Variants in ZPBP observed in about 807,000 individuals in gnomAD.
ZPBP encodes the protein zona pellucida binding protein, also known as zona pellucida-binding protein 1.
ZPBP carries 26 observed loss-of-function variants against 44.8 expected under a neutral mutation model. The observed-to-expected ratio is 0.58, with a 90% confidence interval of 0.43 to 0.81. ZPBP has a LOEUF of 0.81. Among genes scored for constraint, ZPBP ranks in the 30% least tolerant of loss-of-function variants. The pLI is 0.00. For synonymous variants in ZPBP, 174 were observed against 153.2 expected (o/e 1.14, Z -1.00); for missense variants, 409 against 434.0 (o/e 0.94, Z 0.51).
intron 4 of ZPBP, among the ~76,000 whole-genome samples, chr7:50,042,389 T>C (rs1051217517): frequency 6.6e-6 from 1 of 151,728 alleles, no homozygotes; most frequent in African/African-American, 2.4e-5. Context: ...TCACCGAAGG[T>C]TGAAACGAAG....
At chr7:50,033,909 T>C (rs1310910899) in intron 4 of ZPBP, among the ~76,000 whole-genome samples, 1 of 151,968 alleles carries the variant, frequency 6.6e-6, no homozygotes, top group Non-Finnish European at 1.5e-5. Flanking sequence ...GCTAGTCTGG[T>C]CTCGAACTCC....
In ZPBP at chr7:49,929,599, G is replaced by A. The variant is rs115551710; in HGVS notation, n.411+6152C>T. ...TGTCCACCTGGATAAGTACTGAGAT[G>A]AGTTTTGCTTTCCTCCATTTTCTGC... On this transcript the variant is annotated intron_variant and non_coding_transcript_variant, in intron 1 of 2. Transcript: ENST00000465922. 2.3e-3 allele frequency among the ~76,000 whole-genome samples: 344 copies of A among 152,278 alleles called. 3 individuals carry two copies. The highest frequency in any genetic ancestry group is 8.0e-3 in the African/African-American group (333 of 41,554).
chr7:50,055,951 G>A (rs571538781), intron 4 of ZPBP, among the ~76,000 whole-genome samples: 1 of 152,184 alleles, frequency 6.6e-6, no homozygotes, highest in Non-Finnish European at 1.5e-5. Flanking sequence ...CTGATTAAAA[G>A]GTTTAAACAA....
intron 7 of ZPBP, chr7:49,944,016 A>G (rs943390227): frequency 1.1e-5 from 3 of 271,912 alleles, no homozygotes; most frequent in Non-Finnish European, 2.2e-5. Flanking sequence ...GGCCAAATGT[A>G]GTTTTAAAAC....
At chr7:50,091,608 T>C (rs1802996667) in intron 1 of ZPBP, among the ~76,000 whole-genome samples, 3 of 152,218 alleles carry the variant, frequency 2.0e-5, no homozygotes, top group Admixed American at 2.0e-4. Flanking sequence ...CATACCATTT[T>C]CCTTATTAGA....
At chr7:50,068,186 A>C (rs1801632616) in intron 3 of ZPBP, among the ~76,000 whole-genome samples, 1 of 152,092 alleles carries the variant, frequency 6.6e-6, no homozygotes, top group Non-Finnish European at 1.5e-5. Flanking sequence ...TGGCATCTAA[A>C]TGTGGCAGAA....
At chr7:50,016,523 C>T (rs567187120) in intron 6 of ZPBP, among the ~76,000 whole-genome samples, 1 of 152,064 alleles carries the variant, frequency 6.6e-6, no homozygotes, top group Admixed American at 6.6e-5. Flanking sequence ...ATGTAACAAA[C>T]CTGCACATGT....
chr7:49,994,524 G>A (rs1052498260), intron 6 of ZPBP, among the ~76,000 whole-genome samples: 4 of 152,184 alleles, frequency 2.6e-5, no homozygotes, highest in African/African-American at 9.7e-5. Context: ...GGCTTAGTGG[G>A]TTAAATAACA....
chr7:49,880,353 A>T (rs1401411220), intron 2 of ZPBP, among the ~76,000 whole-genome samples: 1 of 151,962 alleles, frequency 6.6e-6, no homozygotes, highest in East Asian at 1.9e-4. Flanking sequence ...TAAAATTTTT[A>T]TCTGAATTTA....
chr7:49,976,483 T>C (rs1183974157), intron 7 of ZPBP, among the ~76,000 whole-genome samples: 2 of 152,196 alleles, frequency 1.3e-5, no homozygotes, highest in East Asian at 3.9e-4. Flanking sequence ...TATTGCCTTT[T>C]GGTATCTGTC....
chr7:49,968,212 T>A (rs1796140765), intron 7 of ZPBP, among the ~76,000 whole-genome samples: 1 of 152,040 alleles, frequency 6.6e-6, no homozygotes, highest in Non-Finnish European at 1.5e-5. Context: ...GTAATGTGTG[T>A]GATCTCTAGA....
intron 3 of ZPBP, among the ~76,000 whole-genome samples, chr7:50,078,692 G>A (rs1339855530): frequency 1.3e-5 from 2 of 151,348 alleles, no homozygotes; most frequent in Non-Finnish European, 1.5e-5. Context: ...GCAATTGCAA[G>A]ACAAACAAAA....
chr7:49,994,822 G>A (rs554264856), intron 6 of ZPBP, among the ~76,000 whole-genome samples: 3 of 152,274 alleles, frequency 2.0e-5, no homozygotes, highest in African/African-American at 7.2e-5. Context: ...CAACAGCCTA[G>A]ACCTGTCGTA....
intron 6 of ZPBP, among the ~76,000 whole-genome samples, chr7:50,007,158 C>G (rs1798348300): frequency 6.6e-6 from 1 of 151,892 alleles, no homozygotes; most frequent in South Asian, 2.1e-4. Flanking sequence ...AAACCTTGAG[C>G]TTGGCATTTC....
rs1285583725 is a variant in ZPBP, at chr7:49,981,600, TA to T, written c.961+1741del. 1.3e-4 allele frequency among the ~76,000 whole-genome samples: 3 copies of T among 23,778 alleles called. 1 individual carries two copies. The highest frequency in any genetic ancestry group is 2.2e-4 in the Non-Finnish European group (3 of 13,816). 15.6% of individuals were successfully genotyped at this position (23,778 alleles called of 152,430 possible). A position where few individuals can be genotyped will look rare whatever the true frequency, so the allele number is the denominator to read the frequency against. ...ATAAATTATATATTATATAATTATA[TA>T]AATTATATAATTATATTATATTATA... On this transcript the variant is annotated intron_variant, in intron 7 of 7. Transcript: ENST00000046087.
intron 5 of ZPBP, among the ~76,000 whole-genome samples, chr7:50,026,764 CTT>C (rs1584071670): frequency 6.6e-6 from 1 of 151,828 alleles, no homozygotes; most frequent in Non-Finnish European, 1.5e-5. Flanking sequence ...TTGCTAAACT[CTT>C]TAACAACAAG....
intron 4 of ZPBP, among the ~76,000 whole-genome samples, chr7:50,031,749 G>T (rs1254268358): frequency 1.3e-5 from 2 of 151,812 alleles, no homozygotes; most frequent in African/African-American, 4.8e-5. Flanking sequence ...ATATAATTAT[G>T]AACAATATTC....
intron 2 of ZPBP, among the ~76,000 whole-genome samples, chr7:49,884,738 C>A (rs1327604705): frequency 6.6e-6 from 1 of 152,040 alleles, no homozygotes; most frequent in African/African-American, 2.4e-5. Flanking sequence ...AGTTTTAATT[C>A]ATTGTCTTAA....
chr7:49,930,799 T>C (rs1794419098), intron 1 of ZPBP, among the ~76,000 whole-genome samples: 1 of 152,170 alleles, frequency 6.6e-6, no homozygotes, highest in Non-Finnish European at 1.5e-5. Context: ...ATGCAACATA[T>C]AATAGTGAAA....
Sources: allele counts gnomAD v4.1 joint callset (sites outside exome capture counted in the v4.1 genomes callset), GRCh38; gene constraint gnomAD v4.1.1; transcripts MANE v1.5; gene names NCBI Gene and HGNC (gene_info 2026-07-23, HGNC 2026-07-21).